Variants in LRRIQ1 observed in about 807,000 individuals in gnomAD.
LRRIQ1 encodes leucine rich repeats and IQ motif containing 1, also known as leucine-rich repeat- and IQ domain-containing protein 1.
Under a neutral mutation model 211.9 loss-of-function variants are expected in LRRIQ1, and 210 were observed. That is an observed-to-expected ratio of 0.99 (90% CI 0.89 to 1.11). The LOEUF is 1.11. Among genes scored for constraint, LRRIQ1 ranks in the 50% most tolerant of loss-of-function variants. The pLI is 0.00. For synonymous variants in LRRIQ1, 699 were observed against 650.1 expected (o/e 1.08, Z -1.14); for missense variants, 2,136 against 1,939.5 (o/e 1.10, Z -1.90).
intron 24 of LRRIQ1, among the ~76,000 whole-genome samples, chr12:85,196,217 G>A (rs1477749748): frequency 6.6e-6 from 1 of 152,042 alleles, no homozygotes; most frequent in Non-Finnish European, 1.5e-5. Flanking sequence ...CTCATGGGTA[G>A]GAAGAATCAA....
intron 18 of LRRIQ1, among the ~76,000 whole-genome samples, chr12:85,137,025 C>T (rs963233664): frequency 5.3e-5 from 8 of 151,330 alleles, no homozygotes; most frequent in Non-Finnish European, 1.2e-4. Flanking sequence ...TACATTCTAC[C>T]CTGTTTTATG....
chr12:85,257,592 G>A (rs188590141), intron 1 of LRRIQ1, among the ~76,000 whole-genome samples: 1 of 151,730 alleles, frequency 6.6e-6, no homozygotes, highest in African/African-American at 2.4e-5. Context: ...CACCCAATAG[G>A]TATTAACTAT....
At position 85,055,830 on chromosome 12, in the gene LRRIQ1, AAG is replaced by A; in HGVS notation, c.1039_1040del (p.Glu347ArgfsTer18). ...AGATTAGAGGAGGAACAAAGGATAAAAGAAGAGAGAAAAAAGCAAAAGGAAGA... is the reference window on the plus strand; with the variant it reads ...AGATTAGAGGAGGAACAAAGGATAAAAAGAGAGAAAAAAGCAAAAGGAAGA... On this transcript the variant is annotated frameshift_variant, in exon 8 of 27. Transcript: ENST00000393217. LOFTEE classifies it high-confidence loss of function. The A allele has an allele frequency of 4.4e-6, 7 of 1,587,698 alleles. No homozygotes were observed. The highest frequency in any genetic ancestry group is 6.0e-6 in the Non-Finnish European group (7 of 1,167,348).
intron 11 of LRRIQ1, among the ~76,000 whole-genome samples, chr12:85,078,141 A>G (rs2136142972): frequency 6.6e-6 from 1 of 152,194 alleles, no homozygotes; most frequent in African/African-American, 2.4e-5. Context: ...GTATATTAAT[A>G]TTGTTTCTCC....
intron 24 of LRRIQ1, among the ~76,000 whole-genome samples, chr12:85,191,273 A>G (rs1343118204): frequency 6.6e-6 from 1 of 151,974 alleles, no homozygotes; most frequent in Non-Finnish European, 1.5e-5. Flanking sequence ...TCATAGTGCC[A>G]TACAAAATAG....
chr12:85,183,960 A>C (rs1280824119), intron 24 of LRRIQ1, among the ~76,000 whole-genome samples: 1 of 152,070 alleles, frequency 6.6e-6, no homozygotes, highest in Non-Finnish European at 1.5e-5. Flanking sequence ...TCAAACTTTA[A>C]ACAGTATAAA....
At chr12:85,266,010 A>G (rs1307905811), downstream of LRRIQ1, among the ~76,000 whole-genome samples, 1 of 152,076 alleles carries the variant, frequency 6.6e-6, no homozygotes, top group Non-Finnish European at 1.5e-5. Flanking sequence ...AATATTATGA[A>G]ATAAAAAGTG....
At chr12:85,113,782 GT>G (rs1887355548) in intron 15 of LRRIQ1, among the ~76,000 whole-genome samples, 8 of 152,124 alleles carry the variant, frequency 5.3e-5, no homozygotes, top group Admixed American at 1.3e-4. Flanking sequence ...CTAAAGTGCT[GT>G]AGTATTTATC....
intron 1 of LRRIQ1, among the ~76,000 whole-genome samples, chr12:85,037,011 A>G (rs1034499051): frequency 2.6e-5 from 4 of 152,150 alleles, no homozygotes; most frequent in African/African-American, 9.7e-5. Flanking sequence ...CCTAACTGAG[A>G]TGTGCTGCAG....
intron 24 of LRRIQ1, among the ~76,000 whole-genome samples, chr12:85,202,531 T>C (rs1480660551): frequency 2.0e-5 from 3 of 152,206 alleles, no homozygotes; most frequent in Non-Finnish European, 2.9e-5. Context: ...TGTGCTATTA[T>C]GTAATGGCCT....
chr12:85,040,624 T>A, intron 3 of LRRIQ1, 23 bp downstream of exon 3: 1 of 1,393,650 alleles, frequency 7.2e-7, no homozygotes, highest in Non-Finnish European at 1.0e-6. Context: ...TTCATCTGTC[T>A]GGCAGATAAG....
chr12:85,047,602 G>A (rs1012947475), intron 6 of LRRIQ1, 132 bp downstream of exon 6: 1 of 702,402 alleles, frequency 1.4e-6, no homozygotes. Flanking sequence ...GGAAGAAATT[G>A]ACTGTGAATT....
intron 24 of LRRIQ1, among the ~76,000 whole-genome samples, chr12:85,203,239 C>T (rs960586591): frequency 2.5e-4 from 38 of 152,150 alleles, no homozygotes; most frequent in African/African-American, 8.9e-4. Flanking sequence ...CTCCTCCTTG[C>T]CTTCTGCTAT....
chr12:85,154,248 G>A lies in LRRIQ1; in HGVS notation c.4720+154G>A, dbSNP rs1317258538. On this transcript the variant is annotated intron_variant, in intron 23 of 26. Transcript: ENST00000393217. ...CTCTGAAAAAAAATAAAACTTAAGA[G>A]AAAATTATGCTATGCCATTGAATGA... is the stretch of plus-strand genomic sequence containing the variant. Among the ~76,000 whole-genome samples the A allele has an allele frequency of 2.0e-5, 3 of 150,972 alleles. No homozygotes were observed. In the East Asian group the frequency reaches 5.8e-4, roughly 29 times the overall value.
chr12:85,126,742 T>C lies in LRRIQ1; in HGVS notation c.4008-1090T>C, dbSNP rs559712097. The stretch of plus-strand genomic sequence containing the variant: ...ATGGGGATGATGATGTTAACAATGA[T>C]GATGATAGTAATACCGATAATAAGC... On this transcript the variant is annotated intron_variant, in intron 17 of 26. Coordinates refer to ENST00000393217, the MANE Select transcript of LRRIQ1 (RefSeq NM_001079910.2). 1.3e-3 allele frequency among the ~76,000 whole-genome samples: 201 copies of C among 152,224 alleles called. 1 individual carries two copies. The highest frequency in any genetic ancestry group is 2.5e-3 in the Non-Finnish European group (170 of 68,004).
In LRRIQ1 at chr12:85,056,450, A is replaced by G. The variant is rs757337328; in HGVS notation, c.1657A>G (p.Thr553Ala). 24 of 1,601,726 alleles carry G rather than the reference A, an allele frequency of 1.5e-5. No homozygotes were observed. Among genetic ancestry groups the G allele is most frequent in the Admixed American group, 1.2e-4 (7 of 57,310 alleles). Residue 553 changes from threonine to alanine, a missense_variant, in exon 8 of 27, where the codon ACC becomes GCC. By Grantham distance (58) the Thr-to-Ala change is moderately conservative (BLOSUM62 0). Coordinates refer to ENST00000393217, the MANE Select transcript of LRRIQ1 (RefSeq NM_001079910.2). ...CATAAATGAGAATACAGGACAAAAA[A>G]CCCAGATAATATTAGGACATAACCA... ...HVINENTGQK[T>A]QIILGHNQEI...
chr12:85,231,371 A>C (rs1351474239), intron 25 of LRRIQ1, among the ~76,000 whole-genome samples: 1 of 152,214 alleles, frequency 6.6e-6, no homozygotes, highest in Non-Finnish European at 1.5e-5. Context: ...AGTAGGAATA[A>C]AGGCATCAAT....
intron 8 of LRRIQ1, among the ~76,000 whole-genome samples, chr12:85,057,699 C>T (rs1881294987): frequency 6.6e-6 from 1 of 151,976 alleles, no homozygotes; most frequent in African/African-American, 2.4e-5. Flanking sequence ...AAAGGTGGTG[C>T]ATATATGTCT....
At chr12:85,045,885 T>G in intron 4 of LRRIQ1, 135 bp from the exon 5 acceptor site, 1 of 448,896 alleles carries the variant, frequency 2.2e-6, no homozygotes, top group Non-Finnish European at 3.9e-6. Context: ...GTGCTGCAGA[T>G]TTGTATTTGA....
Sources: allele counts gnomAD v4.1 joint callset (sites outside exome capture counted in the v4.1 genomes callset), GRCh38; gene constraint gnomAD v4.1.1; transcripts MANE v1.5; gene names NCBI Gene and HGNC (gene_info 2026-07-23, HGNC 2026-07-21).